ZNF385D: variants seen among roughly 807,000 people sequenced by gnomAD.
ZNF385D encodes zinc finger protein 385D.
Under a neutral mutation model 35.8 loss-of-function variants are expected in ZNF385D, and 15 were observed. The ratio of observed to expected loss-of-function variants is 0.42; its 90% confidence interval spans 0.28 to 0.64. The LOEUF is 0.64. Ranked by LOEUF, ZNF385D falls within the 30% of genes least tolerant of loss-of-function variation. The probability of loss-of-function intolerance (pLI) is 0.23; values close to 1 mark genes in which losing one functional copy is unlikely to be tolerated. For missense variants in ZNF385D, 474 were observed against 494.6 expected (o/e 0.96, Z 0.39); for synonymous variants, 212 against 186.8 (o/e 1.13, Z -1.10).
chr3:22,297,964 A>G (rs1702683097), intron 2 of ZNF385D, among the ~76,000 whole-genome samples: 1 of 152,094 alleles, frequency 6.6e-6, no homozygotes, highest in South Asian at 2.1e-4. Flanking sequence ...TTGTTTGGGC[A>G]CAGAGAAAAT....
chr3:21,510,818 A>G lies in ZNF385D; in HGVS notation c.439+43T>C, dbSNP rs369082624. 51 of 1,604,234 alleles carry G rather than the reference A, an allele frequency of 3.2e-5. No homozygotes were observed. The African/African-American group carries it at 5.9e-4, about 19-fold the overall frequency. On this transcript the variant is annotated intron_variant, in intron 4 of 7. Transcript: ENST00000281523. ...GGCTAGACAAGGGAGGGAATCCCCAACGACGACGACGAGGACAACAACAAC... is the reference window on the plus strand; with the variant it reads ...GGCTAGACAAGGGAGGGAATCCCCAGCGACGACGACGAGGACAACAACAAC...
intron 3 of ZNF385D, among the ~76,000 whole-genome samples, chr3:22,059,876 A>G (rs1014007541): frequency 6.6e-6 from 1 of 152,168 alleles, no homozygotes; most frequent in African/African-American, 2.4e-5. Context: ...CATTTGACTC[A>G]GTAGACTGAA....
intron 3 of ZNF385D, among the ~76,000 whole-genome samples, chr3:22,075,007 G>A (rs942301807): frequency 2.6e-5 from 4 of 151,862 alleles, no homozygotes; most frequent in African/African-American, 9.7e-5. Flanking sequence ...ATTTAAGTTA[G>A]TTCAATAGCC....
chr3:22,275,147 T>C (rs930920764), intron 2 of ZNF385D, among the ~76,000 whole-genome samples: 2 of 152,146 alleles, frequency 1.3e-5, no homozygotes, highest in African/African-American at 4.8e-5. Context: ...AAGAGCCTAC[T>C]TTCAACTAGG....
chr3:22,277,395 T>C (rs1029682898), intron 2 of ZNF385D, among the ~76,000 whole-genome samples: 3 of 152,140 alleles, frequency 2.0e-5, no homozygotes, highest in Non-Finnish European at 4.4e-5. Context: ...AGGGGTAGCC[T>C]AGAAAATCAT....
At chr3:21,908,354 TAG>T (rs1450568898) in intron 3 of ZNF385D, among the ~76,000 whole-genome samples, 3 of 152,096 alleles carry the variant, frequency 2.0e-5, no homozygotes, top group Non-Finnish European at 4.4e-5. Flanking sequence ...GAGGAACAGA[TAG>T]ATACCTTTCC....
At chr3:22,016,920 T>C (rs569936671) in intron 3 of ZNF385D, among the ~76,000 whole-genome samples, 1 of 149,900 alleles carries the variant, frequency 6.7e-6, no homozygotes, top group South Asian at 2.1e-4. Flanking sequence ...ATCTATCCTG[T>C]CCATCCATCC....
chr3:21,864,127 T>C (rs1228721792), intron 3 of ZNF385D, among the ~76,000 whole-genome samples: 2 of 152,122 alleles, frequency 1.3e-5, no homozygotes, highest in African/African-American at 2.4e-5. Flanking sequence ...TGTGTGTACA[T>C]GCATACACAA....
At chr3:22,118,536 G>T (rs369888487) in intron 3 of ZNF385D, among the ~76,000 whole-genome samples, 154 of 152,126 alleles carry the variant, frequency 1.0e-3, no homozygotes, top group Admixed American at 4.7e-3. Context: ...TAAAATGATT[G>T]CCCACATGTA....
At chr3:22,245,748 G>T (rs1232446546) in intron 2 of ZNF385D, among the ~76,000 whole-genome samples, 8 of 149,450 alleles carry the variant, frequency 5.4e-5, no homozygotes, top group Non-Finnish European at 7.4e-5. Context: ...TTTTTTTGGG[G>T]GGTGGTGGGG....
intron 3 of ZNF385D, among the ~76,000 whole-genome samples, chr3:21,837,030 G>A (rs1187013939): frequency 6.6e-6 from 1 of 151,960 alleles, no homozygotes; most frequent in Non-Finnish European, 1.5e-5. Flanking sequence ...TTCATAAAAG[G>A]GCTGTAAAAA....
chr3:22,326,512 C>T (rs1215545891), intron 2 of ZNF385D, among the ~76,000 whole-genome samples: 1 of 152,084 alleles, frequency 6.6e-6, no homozygotes, highest in East Asian at 1.9e-4. Context: ...ATTTTCCATG[C>T]ACAGGATACC....
At chr3:22,263,176 A>G (rs1448155879) in intron 2 of ZNF385D, among the ~76,000 whole-genome samples, 1 of 151,910 alleles carries the variant, frequency 6.6e-6, no homozygotes, top group South Asian at 2.1e-4. Context: ...CAGATTAAAA[A>G]TAAGATTCTG....
At chr3:22,185,487 T>A (rs571727221) in intron 2 of ZNF385D, among the ~76,000 whole-genome samples, 154 of 152,294 alleles carry the variant, frequency 1.0e-3, no homozygotes, top group Non-Finnish European at 1.9e-3. Flanking sequence ...TTCTTTCTTT[T>A]TGAGATGGAG....
chr3:21,479,966 C>G (rs1704501136), intron 4 of ZNF385D, among the ~76,000 whole-genome samples: 1 of 152,094 alleles, frequency 6.6e-6, no homozygotes, highest in Non-Finnish European at 1.5e-5. Flanking sequence ...CTACAGCCAT[C>G]AGAGATTAGA....
chr3:21,651,107 G>T (rs1462133023), intron 2 of ZNF385D, among the ~76,000 whole-genome samples: 4 of 123,856 alleles, frequency 3.2e-5, no homozygotes, highest in African/African-American at 6.3e-5. Flanking sequence ...GTGAAACCCC[G>T]TCTCTACTAA....
rs1254906171 is a variant in ZNF385D at position 22,234,510 on chromosome 3, T to G, written c.107-65475A>C. Among the ~76,000 whole-genome samples the G allele has an allele frequency of 2.0e-5, 3 of 152,154 alleles. No individual in the cohort carries two copies. The East Asian group carries it at 5.8e-4, about 29-fold the overall frequency. On this transcript the variant is annotated intron_variant, in intron 2 of 5. Transcript: ENST00000494108. ...TTTTTTTTTTCGTTCCTGAACTTGT[T>G]TCATTCTTCTCTTTGACTGAAAAGC...
Position 21,418,077 on chromosome 3 carries a change from TTGTC to T in ZNF385D, c.*3133_*3136del, listed in dbSNP as rs1301591093. The T allele has an allele frequency of 6.6e-6, 1 of 152,166 alleles. No individual in the cohort carries two copies. Among genetic ancestry groups the T allele is most frequent in the African/African-American group, 2.4e-5 (1 of 41,446 alleles). The allele number at this position is 152,166 out of a possible 1,614,324, so 9.4% of individuals were successfully genotyped here. On this transcript the variant is annotated 3_prime_UTR_variant, in exon 8 of 8. Coordinates refer to ENST00000281523, the MANE Select transcript of ZNF385D (RefSeq NM_024697.3). ...TACCTCCCCAATGACTGTTTCCCATTTGTCTGGACGATCTGATTGAGGTGCAACA... is the reference window on the plus strand; with the variant it reads ...TACCTCCCCAATGACTGTTTCCCATTTGGACGATCTGATTGAGGTGCAACA...
intron 1 of ZNF385D, among the ~76,000 whole-genome samples, chr3:21,702,164 A>G (rs1329684831): frequency 2.0e-5 from 3 of 152,236 alleles, no homozygotes; most frequent in African/African-American, 7.2e-5. Context: ...CCACCCCTGC[A>G]GCAAACTTTT....
Sources: gnomAD v4.1 joint callset for allele counts (sites outside exome capture counted in the v4.1 genomes callset) on GRCh38, gnomAD v4.1.1 for gene constraint, MANE v1.5 for transcripts, NCBI Gene and HGNC (gene_info 2026-07-23, HGNC 2026-07-21) for gene names.